The following DMXL1 variants were observed in gnomAD, a reference collection of about 807,000 sequenced individuals.
The protein encoded by DMXL1 is dmX-like protein 1.
Under a neutral mutation model 319.2 loss-of-function variants are expected in DMXL1, and 99 were observed. The observed-to-expected ratio is 0.31, with a 90% CI of 0.26 to 0.37. The LOEUF (loss-of-function observed/expected upper bound fraction) is 0.37, where lower values mean the gene tolerates loss of function less well. Ranked by LOEUF, DMXL1 falls within the 10% of genes least tolerant of loss-of-function variation. The pLI, the probability that DMXL1 is intolerant of heterozygous loss-of-function variation, is 1.00. For missense variants in DMXL1, 3,745 were observed against 3,595.6 expected, an observed-to-expected ratio of 1.04 and a Z score of -1.06; for synonymous variants, 1,385 against 1,235.2, an observed-to-expected ratio of 1.12 and a Z score of -2.54.
intron 38 of DMXL1, among the ~76,000 whole-genome samples, chr5:119,232,188 G>A (rs1020371163): frequency 2.6e-5 from 4 of 152,030 alleles, no homozygotes; most frequent in African/African-American, 9.7e-5. Context: ...AAAGTTGAGC[G>A]ATTTTAGTGC....
At chr5:119,243,847 G>C (rs1441784583) in intron 42 of DMXL1, among the ~76,000 whole-genome samples, 1 of 152,048 alleles carries the variant, frequency 6.6e-6, no homozygotes, top group Non-Finnish European at 1.5e-5. Context: ...TCACATTCCT[G>C]TTAATTTATT....
chr5:119,189,810 T>G lies in DMXL1; in HGVS notation c.7238T>G (p.Val2413Gly), dbSNP rs1217914468. The G allele has an allele frequency of 1.9e-6, 3 of 1,614,120 alleles. No homozygotes were observed. In the Admixed American group the frequency reaches 5.0e-5, roughly 27 times the overall value. Residue 2413 changes from valine to glycine, a missense_variant, in exon 29 of 44, where the codon GTA becomes GGA. Coordinates refer to ENST00000539542, the MANE Select transcript of DMXL1 (RefSeq NM_001290321.3). ...SAPLTPSSAP[V>G]SQESLAVKEK... The stretch of plus-strand genomic sequence containing the variant: ...CCACTGACCCCTTCCTCGGCACCAG[T>G]AAGCCAGGAGTCACTGGCGGTTAAA...
At chr5:119,123,201 G>C (rs936235177) in intron 9 of DMXL1, among the ~76,000 whole-genome samples, 13 of 152,058 alleles carry the variant, frequency 8.5e-5, no homozygotes, top group Admixed American at 2.6e-4. Context: ...CACTCGGCAG[G>C]CTGAGGCAGG....
chr5:119,130,676 G>A (rs929750605), intron 10 of DMXL1, among the ~76,000 whole-genome samples: 31 of 152,092 alleles, frequency 2.0e-4, no homozygotes, highest in African/African-American at 7.2e-4. Context: ...GTAATGGGCA[G>A]TTTTTCATAT....
intron 7 of DMXL1, among the ~76,000 whole-genome samples, chr5:119,117,784 T>A (rs941932340): frequency 2.0e-5 from 3 of 152,082 alleles, no homozygotes; most frequent in Non-Finnish European, 4.4e-5. Context: ...GAGCAACCAA[T>A]ACAAATTATG....
chr5:119,106,379 C>T (rs1345678209), intron 4 of DMXL1, among the ~76,000 whole-genome samples: 1 of 152,146 alleles, frequency 6.6e-6, no homozygotes, highest in African/African-American at 2.4e-5. Flanking sequence ...AGTCATATTA[C>T]ATGGAGGCAT....
chr5:119,200,409 C>G (rs1780482380), intron 32 of DMXL1, among the ~76,000 whole-genome samples: 1 of 152,176 alleles, frequency 6.6e-6, no homozygotes, highest in African/African-American at 2.4e-5. Flanking sequence ...CTTCCCAGTT[C>G]TCTATTCTGT....
At chr5:119,227,101 A>G (rs557897524) in intron 38 of DMXL1, among the ~76,000 whole-genome samples, 2 of 152,178 alleles carry the variant, frequency 1.3e-5, no homozygotes, top group Non-Finnish European at 2.9e-5. Flanking sequence ...GACCCCATCT[A>G]AGACACTGCA....
In DMXL1 at chr5:119,178,566, C is replaced by T. The variant is rs146887770; in HGVS notation, c.7135+322C>T. On this transcript the variant is annotated intron_variant, in intron 28 of 43. Transcript: ENST00000539542. The stretch of plus-strand genomic sequence containing the variant: ...CCCAAATACGGATTCTTTCTTCTTT[C>T]TTTGGCAGGAAGGCACTTTGCTATG... The T allele has an allele frequency of 6.2e-6, 6 of 972,108 alleles. No individual in the cohort carries two copies. The African/African-American group carries it at 1.1e-4, about 17-fold the overall frequency. The allele number at this position is 972,108 out of a possible 1,614,324, so 60.2% of individuals were successfully genotyped here. A position where few individuals can be genotyped will look rare whatever the true frequency, so the allele number is the denominator to read the frequency against.
At chr5:119,173,223 T>G (rs1293563092) in intron 25 of DMXL1, among the ~76,000 whole-genome samples, 1 of 151,580 alleles carries the variant, frequency 6.6e-6, no homozygotes, top group African/African-American at 2.4e-5. Context: ...GCCTATAATC[T>G]CAGGTGTTTG....
chr5:119,101,597 C>T (rs1289999013), intron 2 of DMXL1, among the ~76,000 whole-genome samples: 1 of 152,228 alleles, frequency 6.6e-6, no homozygotes, highest in Admixed American at 6.5e-5. Flanking sequence ...CGACAATTAA[C>T]ATTTACTGTG....
chr5:119,117,182 C>A (rs1436010836), intron 7 of DMXL1, among the ~76,000 whole-genome samples: 1 of 152,064 alleles, frequency 6.6e-6, no homozygotes, highest in African/African-American at 2.4e-5. Context: ...GTGTGTGCCA[C>A]CATGCTGGGC....
chr5:119,177,964 T>C (rs775149198), intron 27 of DMXL1, 32 bp from the exon 28 acceptor site: 25 of 1,538,566 alleles, frequency 1.6e-5, no homozygotes, highest in African/African-American at 2.8e-5. Flanking sequence ...AAATTTATAG[T>C]CAGTGACAGC....
In DMXL1 at chr5:119,224,699, A is replaced by T; in HGVS notation, c.8278-10A>T. On this transcript the variant is annotated splice_polypyrimidine_tract_variant and intron_variant, in intron 37 of 43. Transcript: ENST00000539542. Reference sequence around the variant, plus strand: ...ATTATGCCTATAAAATAATTTTTCTATTTTACCAGATGATTAAGAAAGCCA... The same window carrying T: ...ATTATGCCTATAAAATAATTTTTCTTTTTTACCAGATGATTAAGAAAGCCA... The T allele has an allele frequency of 1.7e-6, 2 of 1,155,708 alleles. No homozygotes were observed. The highest frequency in any genetic ancestry group is 3.2e-5 in the African/African-American group (2 of 62,120). 71.6% of individuals were successfully genotyped at this position (1,155,708 alleles called of 1,614,324 possible). A position where few individuals can be genotyped will look rare whatever the true frequency, so the allele number is the denominator to read the frequency against.
rs373774873 is a variant in DMXL1 at position 119,107,402 on chromosome 5, T to C, written c.364+2144T>C. 9.1e-4 allele frequency among the ~76,000 whole-genome samples: 138 copies of C among 152,246 alleles called. 1 individual carries two copies. The highest frequency in any genetic ancestry group is 3.2e-3 in the African/African-American group (134 of 41,548). ...AAGTCATCAGAGAGAGATATAAAAC[T>C]ATTGGTAAACTGATTAATGCCTTTC... On this transcript the variant is annotated intron_variant, in intron 4 of 43. Transcript: ENST00000539542.
intron 13 of DMXL1, among the ~76,000 whole-genome samples, chr5:119,141,505 G>A (rs941765732): frequency 6.6e-6 from 1 of 152,020 alleles, no homozygotes. Context: ...ATTCCCAACT[G>A]CCACAAAAAG....
chr5:119,136,037 G>A (rs534623036), intron 13 of DMXL1, among the ~76,000 whole-genome samples: 1 of 152,342 alleles, frequency 6.6e-6, no homozygotes, highest in Non-Finnish European at 1.5e-5. Context: ...GAGACTTGTT[G>A]AATGGTTTTG....
chr5:119,202,755 G>T (rs1780936423), intron 32 of DMXL1, among the ~76,000 whole-genome samples: 1 of 151,054 alleles, frequency 6.6e-6, no homozygotes, highest in African/African-American at 2.4e-5. Flanking sequence ...GGAGGCTGAG[G>T]CAGGAGAATC....
intron 14 of DMXL1, 110 bp from the exon 15 acceptor site, chr5:119,144,426 C>T: frequency 2.5e-6 from 2 of 794,186 alleles, no homozygotes; most frequent in African/African-American, 3.6e-5. Context: ...GAACTTTTGA[C>T]TTCTTATTCT....
Sources: gnomAD v4.1 joint callset for allele counts (sites outside exome capture counted in the v4.1 genomes callset) on GRCh38, gnomAD v4.1.1 for gene constraint, MANE v1.5 for transcripts, NCBI Gene and HGNC (gene_info 2026-07-23, HGNC 2026-07-21) for gene names.